Variants in ENOX1 observed in about 807,000 individuals in gnomAD.
ENOX1 encodes the protein ecto-NOX disulfide-thiol exchanger 1, also known as candidate growth-related and time keeping constitutive hydroquinone (NADH) oxidase.
A neutral mutation model predicts 82.5 loss-of-function variants in ENOX1; 42 were observed. The observed-to-expected ratio is 0.51, with a 90% CI of 0.40 to 0.66. The LOEUF (loss-of-function observed/expected upper bound fraction) is 0.66, where lower values mean the gene tolerates loss of function less well. ENOX1 is among the 30% of genes least tolerant of loss of function. The pLI, the probability that ENOX1 is intolerant of heterozygous loss-of-function variation, is 0.00. For synonymous variants in ENOX1, 271 were observed against 282.2 expected (o/e 0.96, Z 0.40); for missense variants, 608 against 811.6 (o/e 0.75, Z 3.05).
At chr13:43,754,369 G>A (rs1177611042) in intron 1 of ENOX1, among the ~76,000 whole-genome samples, 1 of 143,626 alleles carries the variant, frequency 7.0e-6, no homozygotes, top group Non-Finnish European at 1.5e-5. Flanking sequence ...TTTTTTTACT[G>A]TCACCCAGGC....
At chr13:43,736,256 C>A (rs1370463418) in intron 1 of ENOX1, among the ~76,000 whole-genome samples, 1 of 152,100 alleles carries the variant, frequency 6.6e-6, no homozygotes, top group Non-Finnish European at 1.5e-5. Context: ...AGAAAATTAT[C>A]AAAAATTGTC....
intron 5 of ENOX1, among the ~76,000 whole-genome samples, chr13:43,385,964 G>T (rs758863282): frequency 6.6e-6 from 1 of 152,140 alleles, no homozygotes; most frequent in Non-Finnish European, 1.5e-5. Context: ...TCAGGAGTTT[G>T]AGACGAGCCT....
intron 9 of ENOX1, among the ~76,000 whole-genome samples, chr13:43,328,233 G>A (rs2048226601): frequency 6.6e-6 from 1 of 152,184 alleles, no homozygotes; most frequent in African/African-American, 2.4e-5. Flanking sequence ...ACCTGTTCCA[G>A]TGGATCACCG....
chr13:43,747,017 C>T (rs969306803), intron 1 of ENOX1, among the ~76,000 whole-genome samples: 1 of 152,170 alleles, frequency 6.6e-6, no homozygotes, highest in Non-Finnish European at 1.5e-5. Context: ...AAAAGTGTTT[C>T]AGCTATTGGG....
chr13:43,581,122 A>ATTTTTTT (rs1351057664), intron 2 of ENOX1, among the ~76,000 whole-genome samples: 6 of 85,094 alleles, frequency 7.1e-5, no homozygotes, highest in South Asian at 3.9e-4. Context: ...GCACTACCTG[A>ATTTTTTT]TTCTTTTTTT....
chr13:43,653,938 T>G (rs148129564), intron 2 of ENOX1, among the ~76,000 whole-genome samples: 1 of 152,302 alleles, frequency 6.6e-6, no homozygotes, highest in East Asian at 1.9e-4. Flanking sequence ...TTATAAAGAT[T>G]ACAACACTGG....
intron 1 of ENOX1, among the ~76,000 whole-genome samples, chr13:43,723,273 C>T (rs563708874): frequency 1.3e-4 from 20 of 152,262 alleles, no homozygotes; most frequent in Admixed American, 1.2e-3. Flanking sequence ...AGAAGTATAG[C>T]AGGTGTGAAA....
intron 9 of ENOX1, among the ~76,000 whole-genome samples, chr13:43,336,583 C>A (rs1443134222): frequency 6.6e-6 from 1 of 152,182 alleles, no homozygotes; most frequent in Non-Finnish European, 1.5e-5. Context: ...ACCTTCACAG[C>A]AAGGTATAGG....
intron 2 of ENOX1, among the ~76,000 whole-genome samples, chr13:43,624,158 G>A (rs978713603): frequency 6.6e-6 from 1 of 152,078 alleles, no homozygotes; most frequent in Admixed American, 6.6e-5. Context: ...ATTTTAACTT[G>A]CATTCTTGTA....
intron 3 of ENOX1, among the ~76,000 whole-genome samples, chr13:43,434,042 G>T (rs1005252782): frequency 1.3e-5 from 2 of 152,224 alleles, no homozygotes; most frequent in African/African-American, 4.8e-5. Flanking sequence ...AATCCAGTCA[G>T]TTGCTAACAC....
rs114426058 is a variant in ENOX1 at position 43,467,015 on chromosome 13, C to T, written c.-75+16994G>A. 1.5e-3 allele frequency among the ~76,000 whole-genome samples: 229 copies of T among 152,222 alleles called. 2 individuals are homozygous for T. The highest frequency in any genetic ancestry group is 4.8e-3 in the African/African-American group (200 of 41,548). On this transcript the variant is annotated intron_variant, in intron 3 of 16. Transcript: ENST00000690772. ...CTGCATGCGTATATCACATTTTGTT[C>T]ATCCATTCATCAGCTGATGGCTATT...
intron 2 of ENOX1, among the ~76,000 whole-genome samples, chr13:43,534,543 C>T (rs1010852385): frequency 3.9e-5 from 6 of 152,268 alleles, no homozygotes; most frequent in Admixed American, 3.9e-4. Flanking sequence ...AGACTGAAGA[C>T]GGTAGGTGTA....
At chr13:43,466,102 T>C (rs1332307289) in intron 3 of ENOX1, among the ~76,000 whole-genome samples, 2 of 152,216 alleles carry the variant, frequency 1.3e-5, no homozygotes, top group Non-Finnish European at 2.9e-5. Flanking sequence ...GAAGTGATAC[T>C]GACCACTTGT....
intron 2 of ENOX1, among the ~76,000 whole-genome samples, chr13:43,552,930 A>G (rs2079268557): frequency 6.6e-6 from 1 of 152,198 alleles, no homozygotes; most frequent in Non-Finnish European, 1.5e-5. Flanking sequence ...TTACCAATTA[A>G]TTTAAGGATA....
chr13:43,402,030 A>C (rs1349765991), intron 5 of ENOX1, among the ~76,000 whole-genome samples: 1 of 152,210 alleles, frequency 6.6e-6, no homozygotes, highest in African/African-American at 2.4e-5. Flanking sequence ...CATGCAAAGA[A>C]ACAGAAAAAT....
chr13:43,496,992 A>G (rs2076820093), intron 2 of ENOX1, among the ~76,000 whole-genome samples: 1 of 152,144 alleles, frequency 6.6e-6, no homozygotes, highest in African/African-American at 2.4e-5. Flanking sequence ...ACTGTGTTAA[A>G]TATACACATA....
At chr13:43,364,974 G>T (rs774061179) in intron 5 of ENOX1, among the ~76,000 whole-genome samples, 2 of 152,254 alleles carry the variant, frequency 1.3e-5, no homozygotes, top group East Asian at 1.9e-4. Context: ...ACAATGTCTG[G>T]AGAGACTGCA....
intron 14 of ENOX1, among the ~76,000 whole-genome samples, chr13:43,253,913 G>A (rs2043601799): frequency 6.6e-6 from 1 of 152,166 alleles, no homozygotes; most frequent in Non-Finnish European, 1.5e-5. Flanking sequence ...TACCTCTTGT[G>A]AGGCAGGAAT....
At chr13:43,276,425 A>C (rs1017517527) in intron 12 of ENOX1, among the ~76,000 whole-genome samples, 1 of 152,012 alleles carries the variant, frequency 6.6e-6, no homozygotes. Context: ...CTTGAGATGG[A>C]AGTATACACC....
Sources: gnomAD v4.1 joint callset for allele counts (sites outside exome capture counted in the v4.1 genomes callset) on GRCh38, gnomAD v4.1.1 for gene constraint, MANE v1.5 for transcripts, NCBI Gene and HGNC (gene_info 2026-07-23, HGNC 2026-07-21) for gene names.